The following AIG1 variants were observed in gnomAD, a reference collection of about 807,000 sequenced individuals.
The protein encoded by AIG1 is androgen induced 1, also known as androgen-induced gene 1 protein.
Under a neutral mutation model 31.4 loss-of-function variants are expected in AIG1, and 23 were observed. The ratio of observed to expected loss-of-function variants is 0.73; its 90% CI spans 0.53 to 1.04. The LOEUF is 1.04. Ranked by LOEUF, AIG1 falls within the 50% of genes least tolerant of loss-of-function variation. The pLI is 0.00. For missense variants in AIG1, 274 were observed against 295.0 expected (o/e 0.93, Z 0.52); for synonymous variants, 100 against 110.5 (o/e 0.90, Z 0.60).
chr6:143,207,334 C>T (rs1791193526), intron 3 of AIG1, among the ~76,000 whole-genome samples: 2 of 152,014 alleles, frequency 1.3e-5, no homozygotes, highest in African/African-American at 4.8e-5. Context: ...TTAGAATTTT[C>T]CTTTCCATTA....
At position 143,255,137 on chromosome 6, in the gene AIG1, T is replaced by C. The variant is rs116208301; in HGVS notation, c.400-28973T>C. Reference sequence around the variant, plus strand: ...ATGACTGCATAGAAGAGCCCCTTACTTTGCTTCGTAATACACAACAGTTCA... The same window carrying C: ...ATGACTGCATAGAAGAGCCCCTTACCTTGCTTCGTAATACACAACAGTTCA... On this transcript the variant is annotated intron_variant, in intron 3 of 5. Coordinates refer to ENST00000357847, the MANE Select transcript of AIG1 (RefSeq NM_016108.4). Among the ~76,000 whole-genome samples, 665 of 152,298 alleles carry C rather than the reference T, an allele frequency of 4.4e-3. 6 individuals carry two copies. The highest frequency in any genetic ancestry group is 0.015 in the African/African-American group (606 of 41,548).
At chr6:143,341,679 C>A (rs1439612174), downstream of AIG1, among the ~76,000 whole-genome samples, 2 of 152,184 alleles carry the variant, frequency 1.3e-5, no homozygotes, top group East Asian at 3.8e-4. Flanking sequence ...TCTTGGACTT[C>A]TAGCCACCAG....
intron 4 of AIG1, among the ~76,000 whole-genome samples, chr6:143,332,933 C>T (rs1226153193): frequency 2.0e-5 from 3 of 152,082 alleles, no homozygotes; most frequent in East Asian, 1.9e-4. Flanking sequence ...AAAGGACATT[C>T]ACAGGAATAC....
intron 3 of AIG1, chr6:143,186,558 T>C (rs1409094810): frequency 6.6e-6 from 1 of 152,268 alleles, no homozygotes; most frequent in African/African-American, 2.4e-5. Flanking sequence ...TATCTCCATG[T>C]GCTGGGATAA....
chr6:143,164,152 A>G (rs1410102272), intron 2 of AIG1, among the ~76,000 whole-genome samples: 1 of 152,226 alleles, frequency 6.6e-6, no homozygotes, highest in Admixed American at 6.5e-5. Context: ...TCTAATATTT[A>G]TGCTGTATTT....
Position 143,328,086 on chromosome 6 carries a change from A to C in AIG1, c.516-5196A>C, listed in dbSNP as rs1776757643. On this transcript the variant is annotated intron_variant, in intron 4 of 5. Transcript: ENST00000357847. The surrounding 1 kb of genome is among the most constrained non-coding windows in gnomAD (Gnocchi z 4.0). ...CAAGATTTAAGCAAATCCAAAAATT[A>C]GTGGTAGGGTAGTGAAGGGTGCACT... Among the ~76,000 whole-genome samples the C allele has an allele frequency of 6.6e-6, 1 of 152,220 alleles. No homozygotes were observed. The highest frequency in any genetic ancestry group is 2.4e-5 in the African/African-American group (1 of 41,456).
At position 143,320,474 on chromosome 6, in the gene AIG1, G is replaced by A. The variant is rs571368745; in HGVS notation, c.516-12808G>A. On this transcript the variant is annotated intron_variant, in intron 4 of 5. Coordinates refer to ENST00000357847, the MANE Select transcript of AIG1 (RefSeq NM_016108.4). ...ACAACCTAAATGTCCAATGAGAGAT[G>A]AATGATAAATAAAAGGTGTATAGAC... 1.4e-4 allele frequency among the ~76,000 whole-genome samples: 22 copies of A among 152,262 alleles called. 1 individual carries two copies. The South Asian group carries it at 4.6e-3, about 32-fold the overall frequency.
chr6:143,156,920 C>A (rs1042198221), intron 2 of AIG1, among the ~76,000 whole-genome samples: 7 of 152,188 alleles, frequency 4.6e-5, no homozygotes, highest in African/African-American at 1.7e-4. Context: ...TTGAAGGATG[C>A]AGCTAAGAAT....
intron 1 of AIG1, among the ~76,000 whole-genome samples, chr6:143,122,600 C>T (rs1189018879): frequency 6.6e-6 from 1 of 152,098 alleles, no homozygotes; most frequent in Non-Finnish European, 1.5e-5. Flanking sequence ...ATGTTTCTTT[C>T]TATTCGATTC....
intron 1 of AIG1, among the ~76,000 whole-genome samples, chr6:143,080,092 A>G (rs1328666599): frequency 6.6e-6 from 1 of 152,142 alleles, no homozygotes; most frequent in Non-Finnish European, 1.5e-5. Flanking sequence ...AGGAATTCTT[A>G]GTCAGCCTAG....
intron 1 of AIG1, among the ~76,000 whole-genome samples, chr6:143,061,788 T>C (rs1776283590): frequency 6.6e-6 from 1 of 152,182 alleles, no homozygotes; most frequent in Non-Finnish European, 1.5e-5. Context: ...AGGTGCAGGT[T>C]ATTATTAGTA....
intron 1 of AIG1, among the ~76,000 whole-genome samples, chr6:143,063,827 C>G (rs536653416): frequency 9.7e-4 from 148 of 152,320 alleles, no homozygotes; most frequent in Non-Finnish European, 1.6e-3. Context: ...ATCTCAGGCT[C>G]TATGCATCCA....
rs1798080342 is a variant in AIG1 at position 143,291,790 on chromosome 6, A to G, written c.515+7565A>G. 1.3e-5 allele frequency among the ~76,000 whole-genome samples: 2 copies of G among 152,196 alleles called. No individual in the cohort carries two copies. Among genetic ancestry groups the G allele is most frequent in the Non-Finnish European group, 2.9e-5 (2 of 68,038 alleles). ...ACTGTGTGTTGAAGCAGAGTGAGGG[A>G]GAGTGCACAGAGCTCCTAGGGTGAG... On this transcript the variant is annotated intron_variant, in intron 4 of 5. Transcript: ENST00000357847. This position sits in a 1 kb window ranked among gnomAD's most constrained non-coding sequence, Gnocchi z 4.2.
In AIG1 at chr6:143,273,109, A is replaced by C. The variant is rs528750392; in HGVS notation, c.400-11001A>C. Among the ~76,000 whole-genome samples the C allele has an allele frequency of 1.8e-4, 27 of 152,328 alleles. No individual in the cohort carries two copies. In the South Asian group the frequency reaches 5.6e-3, roughly 32 times the overall value. On this transcript the variant is annotated intron_variant, in intron 3 of 5. Transcript: ENST00000357847. ...ATGCCATTGCACTCCAGTCTGGGCGACAGAGTGAGACTTCGTCTCAAAAAA... is the reference window on the plus strand; with the variant it reads ...ATGCCATTGCACTCCAGTCTGGGCGCCAGAGTGAGACTTCGTCTCAAAAAA...
At chr6:143,343,659 A>G (rs1171826777), downstream of AIG1, among the ~76,000 whole-genome samples, 1 of 152,066 alleles carries the variant, frequency 6.6e-6, no homozygotes, top group African/African-American at 2.4e-5. Context: ...TGCCCTCACT[A>G]TATTTTCTCA....
At chr6:143,197,693 G>A (rs752924348) in intron 3 of AIG1, among the ~76,000 whole-genome samples, 4 of 152,176 alleles carry the variant, frequency 2.6e-5, no homozygotes, top group African/African-American at 4.8e-5. Context: ...TTCCAGGTTG[G>A]TTGGTAAGTC....
chr6:143,101,527 G>T (rs533656132), intron 1 of AIG1, among the ~76,000 whole-genome samples: 6 of 152,210 alleles, frequency 3.9e-5, no homozygotes, highest in African/African-American at 1.4e-4. Flanking sequence ...AAGGGGAGGA[G>T]ACTGGAGACT....
At chr6:143,200,584 G>A (rs1046363741) in intron 3 of AIG1, among the ~76,000 whole-genome samples, 1 of 151,916 alleles carries the variant, frequency 6.6e-6, no homozygotes, top group Non-Finnish European at 1.5e-5. Flanking sequence ...CCTTTACCAC[G>A]CCACTGTAAC....
chr6:143,189,573 G>A lies in AIG1; in HGVS notation c.399+24390G>A, dbSNP rs866920731. ...TTGCCTGTATTTGGTAAGTTTGCAT[G>A]GAAAGTTCTGACAGGAAACTCAGAA... On this transcript the variant is annotated intron_variant, in intron 3 of 5. Coordinates refer to ENST00000357847, the MANE Select transcript of AIG1 (RefSeq NM_016108.4). The A allele has an allele frequency of 3.0e-6, 3 of 985,278 alleles. No individual in the cohort carries two copies. The South Asian group carries it at 1.4e-4, about 46-fold the overall frequency. The allele number at this position is 985,278 out of a possible 1,614,324, so 61.0% of individuals were successfully genotyped here.
Sources: gnomAD v4.1 joint callset for allele counts (sites outside exome capture counted in the v4.1 genomes callset) on GRCh38, gnomAD v4.1.1 for gene constraint, Gnocchi (gnomAD v3.1) non-coding constraint, MANE v1.5 for transcripts, NCBI Gene and HGNC (gene_info 2026-07-23, HGNC 2026-07-21) for gene names.